Variants in GIT2 observed in about 807,000 individuals in gnomAD.
The protein encoded by GIT2 is GIT ArfGAP 2.
A neutral mutation model predicts 100.3 loss-of-function variants in GIT2; 32 were observed. The observed-to-expected ratio is 0.32, with a 90% CI of 0.24 to 0.43. GIT2 has a LOEUF of 0.43. Among genes scored for constraint, GIT2 ranks in the 20% least tolerant of loss-of-function variants. The probability of loss-of-function intolerance (pLI) is 1.00; values close to 1 mark genes in which losing one functional copy is unlikely to be tolerated. For synonymous variants in GIT2, 353 were observed against 364.1 expected, an observed-to-expected ratio of 0.97 and a Z score of 0.35; for missense variants, 737 against 975.1, an observed-to-expected ratio of 0.76 and a Z score of 3.25.
chr12:109,951,359 G>A (rs367766443), intron 13 of GIT2, 43 bp from the exon 14 acceptor site: 3 of 1,491,548 alleles, frequency 2.0e-6, no homozygotes, highest in South Asian at 2.3e-5. Context: ...GAGATGACGA[G>A]AACATTAAAG....
chr12:109,964,134 AT>A (rs1333671045), intron 9 of GIT2, among the ~76,000 whole-genome samples: 1 of 152,188 alleles, frequency 6.6e-6, no homozygotes, highest in Non-Finnish European at 1.5e-5. Context: ...TTATAATAAA[AT>A]TTACTTACAG....
intron 3 of GIT2, 100 bp downstream of exon 3, chr12:109,989,590 T>A (rs1888019318): frequency 1.5e-6 from 1 of 680,968 alleles, no homozygotes; most frequent in Admixed American, 2.5e-5. Context: ...AACCCCCTCC[T>A]CTGCTGCCCT....
At chr12:109,985,768 G>A (rs934578321) in intron 4 of GIT2, among the ~76,000 whole-genome samples, 9 of 151,940 alleles carry the variant, frequency 5.9e-5, no homozygotes, top group Non-Finnish European at 1.3e-4. Flanking sequence ...CGGGTGAATC[G>A]CTTAAACCCA....
chr12:109,987,627 G>A (rs866849421), intron 4 of GIT2, among the ~76,000 whole-genome samples: 3 of 151,574 alleles, frequency 2.0e-5, no homozygotes, highest in African/African-American at 7.3e-5. Context: ...CACCATACCC[G>A]GCTAAAATTG....
chr12:109,991,878 G>A, intron 1 of GIT2, 118 bp from the exon 2 acceptor site: 1 of 781,418 alleles, frequency 1.3e-6, no homozygotes. Flanking sequence ...GTTTCAGTAT[G>A]CTCATCAATG....
chr12:109,940,289 CATTA>C (rs1310630686), intron 16 of GIT2: 1 of 152,156 alleles, frequency 6.6e-6, no homozygotes, highest in African/African-American at 2.4e-5. Context: ...ATTTCATGAA[CATTA>C]TTTTCCCTAT....
rs147449764 is a variant in GIT2 at position 109,994,259 on chromosome 12, A to G, written c.52+1914T>C. Among the ~76,000 whole-genome samples, 789 of 152,334 alleles carry G rather than the reference A, an allele frequency of 5.2e-3. 5 individuals carry two copies. Among genetic ancestry groups the G allele is most frequent in the Non-Finnish European group, 8.9e-3 (603 of 68,026 alleles). On this transcript the variant is annotated intron_variant, in intron 1 of 19. Transcript: ENST00000355312. ...GGAAAGAATATTAGAATGTTAACAT[A>G]GTAAAATAAAAATGTTTGTATGAAT...
In GIT2 at chr12:109,930,627, C is replaced by T. The variant is rs1310201157; in HGVS notation, c.*2351G>A. 1 of 152,252 alleles carries T rather than the reference C, an allele frequency of 6.6e-6. No individual in the cohort carries two copies. Among genetic ancestry groups the T allele is most frequent in the African/African-American group, 2.4e-5 (1 of 41,456 alleles). The allele number at this position is 152,252 out of a possible 1,614,324, so 9.4% of individuals were successfully genotyped here. A position where few individuals can be genotyped will look rare whatever the true frequency, so the allele number is the denominator to read the frequency against. ...TTGTTTGGAGTTTTGGCACCGTGGGCTAACCGAGCACTCTTCTGACATATT... is the reference window on the plus strand; with the variant it reads ...TTGTTTGGAGTTTTGGCACCGTGGGTTAACCGAGCACTCTTCTGACATATT... On this transcript the variant is annotated 3_prime_UTR_variant, in exon 20 of 20. Transcript: ENST00000355312.
At chr12:109,976,019 C>G (rs1317948804) in intron 7 of GIT2, among the ~76,000 whole-genome samples, 1 of 151,810 alleles carries the variant, frequency 6.6e-6, no homozygotes, top group Non-Finnish European at 1.5e-5. Context: ...ATCTGCCCAC[C>G]TCAGCCTCCC....
At chr12:109,978,893 T>C (rs1885694195) in intron 7 of GIT2, among the ~76,000 whole-genome samples, 1 of 152,242 alleles carries the variant, frequency 6.6e-6, no homozygotes, top group South Asian at 2.1e-4. Context: ...ATTACTCAGA[T>C]GTCAAGTCAT....
chr12:109,968,040 T>C (rs1372183253), intron 7 of GIT2, among the ~76,000 whole-genome samples: 1 of 152,226 alleles, frequency 6.6e-6, no homozygotes, highest in Non-Finnish European at 1.5e-5. Flanking sequence ...TCAGCACTCC[T>C]ATGTAGGTTT....
At position 109,932,734 on chromosome 12, in the gene GIT2, A is replaced by G. The variant is rs1871860483; in HGVS notation, c.*244T>C. 1 of 463,254 alleles carries G rather than the reference A, an allele frequency of 2.2e-6. No individual in the cohort carries two copies. The highest frequency in any genetic ancestry group is 2.0e-5 in the African/African-American group (1 of 51,182). 28.7% of individuals were successfully genotyped at this position (463,254 alleles called of 1,614,324 possible). ...TTTGGATGTATGTGATCAACTCAAC[A>G]GTTGTTGACAACACAACCGAACATC... is the stretch of plus-strand genomic sequence containing the variant. On this transcript the variant is annotated 3_prime_UTR_variant, in exon 20 of 20. Transcript: ENST00000355312.
At position 109,991,778 on chromosome 12, in the gene GIT2, T is replaced by G. The variant is rs1345326038; in HGVS notation, c.53-18A>C. 1 of 1,606,272 alleles carries G rather than the reference T, an allele frequency of 6.2e-7. No homozygotes were observed. The highest frequency in any genetic ancestry group is 1.1e-5 in the South Asian group (1 of 89,984). Reference sequence around the variant, plus strand: ...GGAAGGATCTGGAAAGAGAGTGAAATCTCAGTGGCAGGGATACCAGCAGGT... The same window carrying G: ...GGAAGGATCTGGAAAGAGAGTGAAAGCTCAGTGGCAGGGATACCAGCAGGT... On this transcript the variant is annotated intron_variant, in intron 1 of 19. Coordinates refer to ENST00000355312, the MANE Select transcript of GIT2 (RefSeq NM_057169.5).
rs1331153222 is a variant in GIT2, at chr12:109,934,131, C to T, written c.2004-46G>A. 9 of 1,066,974 alleles carry T rather than the reference C, an allele frequency of 8.4e-6. No homozygotes were observed. The highest frequency in any genetic ancestry group is 2.4e-5 in the East Asian group (1 of 42,448). The allele number at this position is 1,066,974 out of a possible 1,614,324, so 66.1% of individuals were successfully genotyped here. ...TTATTCAATGACAGTAAAAATGATT[C>T]GGAGGCAAAGAGGACTCAAGTGCTA... On this transcript the variant is annotated intron_variant, in intron 18 of 19. Coordinates refer to ENST00000355312, the MANE Select transcript of GIT2 (RefSeq NM_057169.5). This position sits in a 1 kb window ranked among gnomAD's most constrained non-coding sequence, Gnocchi z 4.5.
Position 109,962,115 on chromosome 12 carries a change from G to A in GIT2, c.817-430C>T, listed in dbSNP as rs901994083. On this transcript the variant is annotated intron_variant, in intron 9 of 19. Coordinates refer to ENST00000355312, the MANE Select transcript of GIT2 (RefSeq NM_057169.5). This position sits in a 1 kb window ranked among gnomAD's most constrained non-coding sequence, Gnocchi z 4.3. Reference sequence around the variant, plus strand: ...CACCTATAATCCCAGCACTTTGGGAGACTGAGGCAGGTGGATTGCTTAAGC... The same window carrying A: ...CACCTATAATCCCAGCACTTTGGGAAACTGAGGCAGGTGGATTGCTTAAGC... Among the ~76,000 whole-genome samples, 2 of 152,226 alleles carry A rather than the reference G, an allele frequency of 1.3e-5. No homozygotes were observed. Among genetic ancestry groups the A allele is most frequent in the Non-Finnish European group, 2.9e-5 (2 of 68,036 alleles).
intron 15 of GIT2, among the ~76,000 whole-genome samples, chr12:109,945,798 A>C (rs1279538265): frequency 1.3e-5 from 2 of 152,178 alleles, no homozygotes; most frequent in Non-Finnish European, 2.9e-5. Flanking sequence ...AAAATAACAA[A>C]GTTGCTTTTC....
At chr12:109,985,695 CA>C (rs1180665577) in intron 4 of GIT2, among the ~76,000 whole-genome samples, 1 of 151,606 alleles carries the variant, frequency 6.6e-6, no homozygotes, top group Non-Finnish European at 1.5e-5. Context: ...ACTAAAAATA[CA>C]AAAAAAATTA....
intron 17 of GIT2, 21 bp from the exon 18 acceptor site, chr12:109,938,589 G>C (rs377736434): frequency 1.3e-6 from 2 of 1,545,400 alleles, no homozygotes; most frequent in Non-Finnish European, 1.7e-6. Flanking sequence ...TAAAGATGCA[G>C]TTAAATACAG....
Position 109,939,233 on chromosome 12 carries a change from C to A in GIT2, c.1746G>T (p.Glu582Asp). 2 of 1,605,178 alleles carry A rather than the reference C, an allele frequency of 1.2e-6. No homozygotes were observed. Among genetic ancestry groups the A allele is most frequent in the Non-Finnish European group, 1.7e-6 (2 of 1,172,102 alleles). The change falls in exon 17 of 20, where the codon GAG becomes GAT. Residue 582 changes from glutamate to aspartate, a missense_variant. By Grantham distance (45) the Glu-to-Asp change is conservative. This residue lies in a region of GIT2 where 451 missense variants were observed against 543.7 expected (regional missense o/e 0.83). Coordinates refer to ENST00000355312, the MANE Select transcript of GIT2 (RefSeq NM_057169.5). ...CACTCTCAGGTGTGCTGTTCTGCTT[C>A]TCCAGCCTGGATGCCTACAAGAAAG... is the stretch of plus-strand genomic sequence containing the variant. ...DESARRASRL[E>D]KQNSTPESDY...
Sources: gnomAD v4.1 joint callset for allele counts (sites outside exome capture counted in the v4.1 genomes callset) on GRCh38, gnomAD v4.1.1 for gene constraint, gnomAD v4.1.1 regional missense constraint, Gnocchi (gnomAD v3.1) non-coding constraint, MANE v1.5 for transcripts, NCBI Gene and HGNC (gene_info 2026-07-23, HGNC 2026-07-21) for gene names.